Variants in MCCC1 observed in about 807,000 individuals in gnomAD.
MCCC1 encodes methylcrotonoyl-CoA carboxylase subunit alpha, mitochondrial.
A neutral mutation model predicts 83.8 loss-of-function variants in MCCC1; 64 were observed. The observed-to-expected ratio is 0.76, with a 90% CI of 0.62 to 0.94. The LOEUF is 0.94. Ranked by LOEUF, MCCC1 falls within the 40% of genes least tolerant of loss-of-function variation. MCCC1 has a pLI of 0.00. For missense variants in MCCC1, 807 were observed against 904.7 expected, an observed-to-expected ratio of 0.89 and a Z score of 1.39; for synonymous variants, 322 against 315.4, an observed-to-expected ratio of 1.02 and a Z score of -0.22.
At chr3:183,102,920 A>G (rs994484746), upstream of MCCC1, among the ~76,000 whole-genome samples, 2 of 151,428 alleles carry the variant, frequency 1.3e-5, no homozygotes, top group African/African-American at 4.9e-5. Flanking sequence ...CCGAATAGCT[A>G]GGATTACAGG....
intron 18 of MCCC1, among the ~76,000 whole-genome samples, chr3:183,016,523 G>A (rs1021850476): frequency 3.3e-5 from 5 of 152,188 alleles, no homozygotes; most frequent in Admixed American, 1.3e-4. Flanking sequence ...GAGCCACTGC[G>A]CCCAGCCTTT....
At chr3:183,099,528 C>A (rs560513703), upstream of MCCC1, 2 of 1,496,260 alleles carry the variant, frequency 1.3e-6, no homozygotes, top group Non-Finnish European at 1.8e-6. Context: ...TACGAAGCCT[C>A]GTGACCCCCG....
chr3:183,020,222 T>A lies in MCCC1; in HGVS notation c.1885A>T (p.Ile629Phe), dbSNP rs1326090761. Residue 629 changes from isoleucine (I) to phenylalanine (F), a missense_variant, in exon 17 of 19, where the codon ATT becomes TTT. Transcript: ENST00000265594. ...AAGTATTTGGGGACTGGAATGTCAA[T>A]CTCAATACTTCCTTCCTAGAAACAG... ...YLFSKEGSIE[I>F]DIPVPKYLSS... 4 of 1,613,472 alleles carry A rather than the reference T, an allele frequency of 2.5e-6. No homozygotes were observed. The highest frequency in any genetic ancestry group is 2.5e-6 in the Non-Finnish European group (3 of 1,179,526).
intron 1 of MCCC1, among the ~76,000 whole-genome samples, chr3:183,105,709 A>C (rs1161698803): frequency 6.6e-6 from 1 of 152,168 alleles, no homozygotes; most frequent in African/African-American, 2.4e-5. Flanking sequence ...AGAAAGAAAA[A>C]AAAAAACTCT....
At chr3:183,111,989 T>TA (rs368744609) in intron 1 of MCCC1, among the ~76,000 whole-genome samples, 90 of 147,114 alleles carry the variant, frequency 6.1e-4, no homozygotes, top group Middle Eastern at 3.5e-3. Context: ...TTCCTAAATT[T>TA]AAAAAAAAAA....
At chr3:183,049,620 A>G (rs1462016494) in intron 9 of MCCC1, among the ~76,000 whole-genome samples, 2 of 151,994 alleles carry the variant, frequency 1.3e-5, no homozygotes, top group Non-Finnish European at 2.9e-5. Context: ...AATAACCTTT[A>G]GCCAGGTTAA....
chr3:183,094,269 C>T (rs181130930), intron 2 of MCCC1, among the ~76,000 whole-genome samples: 31 of 151,992 alleles, frequency 2.0e-4, no homozygotes, highest in African/African-American at 7.0e-4. Flanking sequence ...AGGCTGGTCT[C>T]GAACTCCTGA....
chr3:183,054,006 C>T (rs1342719063), intron 8 of MCCC1, among the ~76,000 whole-genome samples: 27 of 143,682 alleles, frequency 1.9e-4, no homozygotes, highest in East Asian at 2.2e-4. Flanking sequence ...CTCAGCCTCC[C>T]GAGTAGCTGG....
At chr3:183,114,190 T>C (rs1466768091) in intron 1 of MCCC1, among the ~76,000 whole-genome samples, 2 of 152,200 alleles carry the variant, frequency 1.3e-5, no homozygotes, top group Non-Finnish European at 2.9e-5. Flanking sequence ...TATCACCTTG[T>C]AATAGTCTTA....
At chr3:183,092,372 T>C in intron 3 of MCCC1, 37 bp downstream of exon 3, 1 of 1,613,744 alleles carries the variant, frequency 6.2e-7, no homozygotes. Flanking sequence ...AGTAAACGAA[T>C]AAACGTAAGA....
chr3:183,074,513 T>C (rs940790180), intron 4 of MCCC1, among the ~76,000 whole-genome samples: 3 of 151,918 alleles, frequency 2.0e-5, no homozygotes, highest in Admixed American at 6.6e-5. Flanking sequence ...AACACAAAGG[T>C]TCAGCCAATC....
At chr3:183,105,396 A>T (rs1019364007) in intron 1 of MCCC1, among the ~76,000 whole-genome samples, 1 of 152,202 alleles carries the variant, frequency 6.6e-6, no homozygotes, top group Non-Finnish European at 1.5e-5. Context: ...TGCAGTCATT[A>T]AAAAAGAATG....
chr3:183,068,936 C>T (rs770397974), intron 7 of MCCC1, among the ~76,000 whole-genome samples: 1 of 152,112 alleles, frequency 6.6e-6, no homozygotes, highest in Non-Finnish European at 1.5e-5. Flanking sequence ...TAAGGACACT[C>T]TATGATGTGT....
intron 18 of MCCC1, among the ~76,000 whole-genome samples, chr3:183,015,899 T>C (rs144656368): frequency 1.4e-4 from 22 of 151,878 alleles, no homozygotes; most frequent in African/African-American, 5.1e-4. Context: ...AGTTTTTTGT[T>C]TGCTTGCTTT....
chr3:183,088,246 G>A (rs1443443569), intron 3 of MCCC1, among the ~76,000 whole-genome samples: 16 of 148,456 alleles, frequency 1.1e-4, no homozygotes, highest in South Asian at 8.5e-4. Context: ...TTGCTCTGTC[G>A]CCCAGGCTGG....
chr3:183,051,858 T>C (rs886575269), intron 9 of MCCC1, among the ~76,000 whole-genome samples: 3 of 152,150 alleles, frequency 2.0e-5, no homozygotes, highest in Admixed American at 2.0e-4. Flanking sequence ...AAAGAGAAAG[T>C]TTATTAACCA....
At chr3:183,103,435 C>T (rs935721295), upstream of MCCC1, among the ~76,000 whole-genome samples, 22 of 152,128 alleles carry the variant, frequency 1.4e-4, no homozygotes, top group African/African-American at 4.6e-4. Flanking sequence ...CACAAAGGTT[C>T]TCCACGTCCC....
In MCCC1 at chr3:183,092,376, C is replaced by T. The variant is rs757917395; in HGVS notation, c.273+33G>A. ...AATACTGACACAGTAAACGAATAAACGTAAGACGTGGCTTCCAATTTTTAA... is the reference window on the plus strand; with the variant it reads ...AATACTGACACAGTAAACGAATAAATGTAAGACGTGGCTTCCAATTTTTAA... On this transcript the variant is annotated intron_variant, in intron 3 of 18. Coordinates refer to ENST00000265594, the MANE Select transcript of MCCC1 (RefSeq NM_020166.5). 9.9e-6 allele frequency: 16 copies of T among 1,613,548 alleles called. No individual in the cohort carries two copies. The East Asian group carries it at 1.8e-4, about 18-fold the overall frequency.
chr3:183,018,143 C>T (rs1441228209), intron 17 of MCCC1, among the ~76,000 whole-genome samples: 1 of 152,186 alleles, frequency 6.6e-6, no homozygotes, highest in Non-Finnish European at 1.5e-5. Flanking sequence ...GCCTACAGCC[C>T]AAATGCACTG....
Sources: gnomAD v4.1 joint callset for allele counts (sites outside exome capture counted in the v4.1 genomes callset) on GRCh38, gnomAD v4.1.1 for gene constraint, MANE v1.5 for transcripts, NCBI Gene and HGNC (gene_info 2026-07-23, HGNC 2026-07-21) for gene names.